The following AKAP13 variants were observed in gnomAD, a reference collection of about 807,000 sequenced individuals.
The protein encoded by AKAP13 is A-kinase anchor protein 13.
In AKAP13, 80 loss-of-function variants were observed where a neutral mutation model predicts 264.5. The observed-to-expected ratio is 0.30, with a 90% CI of 0.25 to 0.36. The LOEUF (loss-of-function observed/expected upper bound fraction) is 0.36. AKAP13 is among the 10% of genes least tolerant of loss of function. AKAP13 has a pLI of 1.00. For synonymous variants in AKAP13, 1,380 were observed against 1,250.2 expected (o/e 1.10, Z -2.19); for missense variants, 3,712 against 3,435.2 (o/e 1.08, Z -2.01).
intron 8 of AKAP13, chr15:85,619,652 A>G (rs138837250): frequency 6.4e-5 from 63 of 987,458 alleles, no homozygotes; most frequent in Non-Finnish European, 7.2e-5. Flanking sequence ...GGCAAAGTAT[A>G]TACTGGATTT....
At chr15:85,638,544 CAATT>C (rs1413711531) in intron 8 of AKAP13, among the ~76,000 whole-genome samples, 1 of 151,808 alleles carries the variant, frequency 6.6e-6, no homozygotes, top group African/African-American at 2.4e-5. Context: ...TTGTGTTTAT[CAATT>C]AAGAGAGGAG....
chr15:85,728,472 T>G lies in AKAP13; in HGVS notation c.7087+1009T>G, dbSNP rs117900196. Among the ~76,000 whole-genome samples the G allele has an allele frequency of 5.1e-3, 776 of 152,320 alleles. 16 individuals are homozygous for G. The highest frequency in any genetic ancestry group is 0.011 in the Admixed American group (168 of 15,300). On this transcript the variant is annotated intron_variant, in intron 29 of 36. Coordinates refer to ENST00000394518, the MANE Select transcript of AKAP13 (RefSeq NM_007200.5). The stretch of plus-strand genomic sequence containing the variant: ...ATTTTGTCAAGTACCTGGCTAGGCA[T>G]ACTGCTAGGTACAACAGATGCAAAG...
intron 8 of AKAP13, among the ~76,000 whole-genome samples, chr15:85,634,617 A>G (rs1251660313): frequency 6.6e-6 from 1 of 152,180 alleles, no homozygotes; most frequent in Non-Finnish European, 1.5e-5. Flanking sequence ...TAACCAATAT[A>G]AGTTTATAGT....
chr15:85,583,886 G>C (rs527432483), intron 7 of AKAP13, among the ~76,000 whole-genome samples: 1 of 152,296 alleles, frequency 6.6e-6, no homozygotes, highest in African/African-American at 2.4e-5. Context: ...ATGGGCTTGA[G>C]GTTGGTAAAT....
chr15:85,491,544 T>TATTTTATATATA (rs1394601519), intron 2 of AKAP13, among the ~76,000 whole-genome samples: 1 of 144,124 alleles, frequency 6.9e-6, no homozygotes, highest in Non-Finnish European at 1.5e-5. Flanking sequence ...ATATATAATA[T>TATTTTATATATA]ATATATTTTA....
At chr15:85,594,799 A>ATT (rs1342708847) in intron 8 of AKAP13, among the ~76,000 whole-genome samples, 1 of 152,218 alleles carries the variant, frequency 6.6e-6, no homozygotes, top group Non-Finnish European at 1.5e-5. Flanking sequence ...AGTTTTAGAT[A>ATT]TTCCATATTA....
rs1340341370 is a variant in AKAP13 at position 85,412,307 on chromosome 15, C to T, written c.-12+31509C>T. Among the ~76,000 whole-genome samples the T allele has an allele frequency of 3.3e-5, 5 of 152,290 alleles. No homozygotes were observed. The East Asian group carries it at 5.8e-4, about 18-fold the overall frequency. ...ACTATCCCAAAAGACTATTAAAATA[C>T]TACTCCTTTTTCAAATTGGGTATCT... On this transcript the variant is annotated intron_variant, in intron 1 of 36. Transcript: ENST00000394518.
intron 2 of AKAP13, among the ~76,000 whole-genome samples, chr15:85,513,461 T>C (rs1209584579): frequency 6.6e-6 from 1 of 151,896 alleles, no homozygotes; most frequent in Non-Finnish European, 1.5e-5. Context: ...TTATAAAGAG[T>C]TTTCCAAAAG....
intron 18 of AKAP13, among the ~76,000 whole-genome samples, chr15:85,709,747 G>T (rs1157552051): frequency 6.6e-6 from 1 of 151,828 alleles, no homozygotes; most frequent in Non-Finnish European, 1.5e-5. Context: ...GAGTGCAATG[G>T]CACAGTCTTG....
chr15:85,388,789 A>G (rs947707819), intron 1 of AKAP13, among the ~76,000 whole-genome samples: 3 of 152,226 alleles, frequency 2.0e-5, no homozygotes, highest in Admixed American at 6.5e-5. Context: ...TCATTTTAAA[A>G]ATAGGTTCTT....
Position 85,580,509 on chromosome 15 carries a change from C to G in AKAP13, c.2441C>G (p.Ala814Gly), listed in dbSNP as rs768600339. 6.2e-7 allele frequency: 1 copy of G among 1,614,206 alleles called. No homozygotes were observed. The highest frequency in any genetic ancestry group is 8.5e-7 in the Non-Finnish European group (1 of 1,180,040). ...FVPSQKEKGT[A>G]TPELHTATDY... Reference sequence around the variant, plus strand: ...CCCTCCCAGAAAGAAAAGGGAACAGCAACTCCTGAACTACATACAGCTACA... The same window carrying G: ...CCCTCCCAGAAAGAAAAGGGAACAGGAACTCCTGAACTACATACAGCTACA... Residue 814 changes from alanine to glycine, a missense_variant, in exon 7 of 37, where the codon GCA (alanine) becomes GGA (glycine). This residue lies in a region of AKAP13 where 2,759 missense variants were observed against 2,411.7 expected (regional missense o/e 1.14). Transcript: ENST00000394518.
intron 23 of AKAP13, among the ~76,000 whole-genome samples, chr15:85,720,707 C>T (rs1241181808): frequency 6.6e-6 from 1 of 152,166 alleles, no homozygotes; most frequent in Non-Finnish European, 1.5e-5. Context: ...ATTGTTGGAA[C>T]ATTTGTCTGA....
chr15:85,657,668 A>G (rs1391511573), intron 11 of AKAP13, among the ~76,000 whole-genome samples: 7 of 146,740 alleles, frequency 4.8e-5, no homozygotes, highest in Non-Finnish European at 9.0e-5. Flanking sequence ...GAGACCCTAG[A>G]TTTTATAAAA....
chr15:85,511,691 T>G (rs1266638830), intron 2 of AKAP13, among the ~76,000 whole-genome samples: 1 of 152,150 alleles, frequency 6.6e-6, no homozygotes, highest in African/African-American at 2.4e-5. Flanking sequence ...TGCAGTGGTG[T>G]GATCATAGCT....
chr15:85,620,757 G>A (rs1396011267), intron 8 of AKAP13, among the ~76,000 whole-genome samples: 2 of 152,150 alleles, frequency 1.3e-5, no homozygotes, highest in Admixed American at 1.3e-4. Context: ...GGTAGCTTCT[G>A]ACTTTGTTGA....
chr15:85,743,344 C>T, intron 35 of AKAP13, 148 bp from the exon 36 acceptor site: 1 of 738,260 alleles, frequency 1.4e-6, no homozygotes, highest in South Asian at 1.9e-5. Flanking sequence ...AAGCTCTATG[C>T]AGTCCACAGA....
chr15:85,601,579 A>G lies in AKAP13; in HGVS notation c.4161+15756A>G, dbSNP rs145923085. Among the ~76,000 whole-genome samples the G allele has an allele frequency of 6.9e-4, 97 of 141,482 alleles. 2 individuals are homozygous for G. In the East Asian group the frequency reaches 0.018, roughly 27 times the overall value. 92.8% of individuals were successfully genotyped at this position (141,482 alleles called of 152,430 possible). ...ATTAAACTGCCAATTTAGGGAACTC[A>G]TACTCTCATCTTCTCTCACCTGAAT... On this transcript the variant is annotated intron_variant, in intron 8 of 36. Transcript: ENST00000394518.
intron 5 of AKAP13, among the ~76,000 whole-genome samples, chr15:85,550,466 G>A (rs2077920046): frequency 6.6e-6 from 1 of 152,180 alleles, no homozygotes; most frequent in Non-Finnish European, 1.5e-5. Flanking sequence ...CTTCTTACAA[G>A]ACACTTGCGC....
intron 1 of AKAP13, among the ~76,000 whole-genome samples, chr15:85,434,361 A>T (rs1468540538): frequency 6.6e-6 from 1 of 151,798 alleles, no homozygotes; most frequent in Non-Finnish European, 1.5e-5. Context: ...AGCAGTCTGA[A>T]ATCAAACTGC....
Sources: gnomAD v4.1 joint callset for allele counts (sites outside exome capture counted in the v4.1 genomes callset) on GRCh38, gnomAD v4.1.1 for gene constraint, gnomAD v4.1.1 regional missense constraint, MANE v1.5 for transcripts, NCBI Gene and HGNC (gene_info 2026-07-23, HGNC 2026-07-21) for gene names.